The following SLC24A2 variants were observed in gnomAD, a reference collection of about 807,000 sequenced individuals.
The protein encoded by SLC24A2 is sodium/potassium/calcium exchanger 2.
A neutral mutation model predicts 62.0 loss-of-function variants in SLC24A2; 36 were observed. The observed-to-expected ratio is 0.58, with a 90% CI of 0.44 to 0.77. SLC24A2 has a LOEUF of 0.77. SLC24A2 is among the 30% of genes least tolerant of loss of function. SLC24A2 has a pLI of 0.00. For synonymous variants in SLC24A2, 358 were observed against 294.0 expected (o/e 1.22, Z -2.23); for missense variants, 846 against 817.9 (o/e 1.03, Z -0.42).
chr9:19,627,676 C>A (rs1389894084), intron 2 of SLC24A2, among the ~76,000 whole-genome samples: 1 of 152,088 alleles, frequency 6.6e-6, no homozygotes, highest in Non-Finnish European at 1.5e-5. Flanking sequence ...TAGGAAAGCA[C>A]TATGATGCCC....
the SLC24A2 span, among the ~76,000 whole-genome samples, chr9:20,235,456 G>C: frequency 6.6e-6 from 1 of 152,176 alleles, no homozygotes; most frequent in Admixed American, 6.5e-5. Context: ...CAGCCTCGCT[G>C]CCACCTTGCA....
At chr9:20,232,657 T>C in the SLC24A2 span, among the ~76,000 whole-genome samples, 7 of 152,212 alleles carry the variant, frequency 4.6e-5, no homozygotes, top group African/African-American at 7.2e-5. Context: ...TAGCGGTCTA[T>C]CAATTTTGTT....
the SLC24A2 span, among the ~76,000 whole-genome samples, chr9:19,908,097 A>G: frequency 6.6e-6 from 1 of 152,232 alleles, no homozygotes; most frequent in African/African-American, 2.4e-5. Context: ...CTACAAGGCT[A>G]CAGTCACCAA....
chr9:19,938,953 A>G, the SLC24A2 span, among the ~76,000 whole-genome samples: 7 of 152,252 alleles, frequency 4.6e-5, no homozygotes, highest in Non-Finnish European at 1.0e-4. Context: ...AACTAAAAAT[A>G]TCTTACAAAT....
the SLC24A2 span, among the ~76,000 whole-genome samples, chr9:20,290,342 C>T: frequency 6.6e-6 from 1 of 152,308 alleles, no homozygotes; most frequent in Admixed American, 6.5e-5. Context: ...TGTTGAGGAG[C>T]CCACAGCTGT....
chr9:19,590,601 C>A (rs1321775275), intron 5 of SLC24A2, among the ~76,000 whole-genome samples: 1 of 152,122 alleles, frequency 6.6e-6, no homozygotes, highest in Non-Finnish European at 1.5e-5. Flanking sequence ...GATCGTAGAA[C>A]CTAGCTTATT....
At chr9:19,664,047 AGGGAACATGGAT>A (rs1650035735) in intron 2 of SLC24A2, among the ~76,000 whole-genome samples, 2 of 152,236 alleles carry the variant, frequency 1.3e-5, no homozygotes, top group Admixed American at 1.3e-4. Context: ...ATGACCGTGT[AGGGAACATGGAT>A]GGGTTTCCTC....
intron 2 of SLC24A2, among the ~76,000 whole-genome samples, chr9:19,727,221 C>A (rs1821197874): frequency 1.3e-5 from 2 of 152,108 alleles, no homozygotes; most frequent in African/African-American, 4.8e-5. Flanking sequence ...ACATATTAGA[C>A]ATTTTTATGT....
At chr9:19,898,367 A>G in the SLC24A2 span, among the ~76,000 whole-genome samples, 1 of 152,226 alleles carries the variant, frequency 6.6e-6, no homozygotes, top group African/African-American at 2.4e-5. Flanking sequence ...TGGCTGCTTC[A>G]TCCCATAACA....
At chr9:19,576,806 C>G in intron 6 of SLC24A2, 118 bp downstream of exon 6, 1 of 688,832 alleles carries the variant, frequency 1.5e-6, no homozygotes, top group African/African-American at 3.0e-5. Context: ...CAGGGAAGGG[C>G]TGTGCTGCAG....
At chr9:20,134,396 T>C in the SLC24A2 span, among the ~76,000 whole-genome samples, 2 of 151,958 alleles carry the variant, frequency 1.3e-5, no homozygotes, top group Non-Finnish European at 2.9e-5. Flanking sequence ...CTACTTCCAA[T>C]GAGAAGGGAG....
intron 2 of SLC24A2, among the ~76,000 whole-genome samples, chr9:19,781,251 A>G (rs2031739): frequency 0.43 from 65,621 of 151,580 alleles, 14,944 homozygotes; most frequent in Admixed American, 0.52. Context: ...ATAGCTTAAC[A>G]CACGATCCCA....
chr9:19,934,745 G>A, the SLC24A2 span, among the ~76,000 whole-genome samples: 2 of 152,314 alleles, frequency 1.3e-5, no homozygotes, highest in African/African-American at 4.8e-5. The surrounding 1 kb of genome is among the most constrained non-coding windows in gnomAD (Gnocchi z 4.1). Context: ...TAAAGCTCGG[G>A]AACTTTCTCT....
the SLC24A2 span, among the ~76,000 whole-genome samples, chr9:19,975,664 T>C: frequency 6.6e-6 from 1 of 152,240 alleles, no homozygotes; most frequent in Non-Finnish European, 1.5e-5. Context: ...TTATGACACA[T>C]ATCCATTTCT....
chr9:19,630,194 T>G (rs1375968289), intron 2 of SLC24A2, among the ~76,000 whole-genome samples: 1 of 152,196 alleles, frequency 6.6e-6, no homozygotes, highest in African/African-American at 2.4e-5. Flanking sequence ...TTATTAATTC[T>G]AGATTTAGCA....
At chr9:19,895,233 T>G in the SLC24A2 span, among the ~76,000 whole-genome samples, 1 of 151,916 alleles carries the variant, frequency 6.6e-6, no homozygotes, top group South Asian at 2.1e-4. Context: ...TATTTTGTTT[T>G]TTTTTTTTTT....
At chr9:19,986,650 A>C in the SLC24A2 span, among the ~76,000 whole-genome samples, 5 of 152,180 alleles carry the variant, frequency 3.3e-5, no homozygotes, top group African/African-American at 1.2e-4. Context: ...AGTATGAAGG[A>C]GCCTAGAAAA....
chr9:19,675,543 G>A (rs542826526), intron 2 of SLC24A2, among the ~76,000 whole-genome samples: 1 of 152,124 alleles, frequency 6.6e-6, no homozygotes, highest in Non-Finnish European at 1.5e-5. Flanking sequence ...CTGTTGCAGA[G>A]GATGAGGGTA....
the SLC24A2 span, among the ~76,000 whole-genome samples, chr9:20,178,736 A>C: frequency 8.5e-5 from 13 of 152,308 alleles, no homozygotes; most frequent in African/African-American, 3.1e-4. Flanking sequence ...ATGTCTCATA[A>C]AAGAGAAACT....
Sources: gnomAD v4.1 joint callset for allele counts (sites outside exome capture counted in the v4.1 genomes callset) on GRCh38, gnomAD v4.1.1 for gene constraint, Gnocchi (gnomAD v3.1) non-coding constraint, MANE v1.5 for transcripts, NCBI Gene and HGNC (gene_info 2026-07-23, HGNC 2026-07-21) for gene names.